EPHA10: variants seen among roughly 807,000 people sequenced by gnomAD.
EPHA10 encodes the protein ephrin type-A receptor 10.
EPHA10 carries 120 observed loss-of-function variants against 109.7 expected under a neutral mutation model. The ratio of observed to expected loss-of-function variants is 1.09; its 90% confidence interval spans 0.94 to 1.27. The LOEUF is 1.27. EPHA10 is among the 50% of genes most tolerant of loss of function. The probability of loss-of-function intolerance (pLI) is 0.00; values close to 1 mark genes in which losing one functional copy is unlikely to be tolerated. For missense variants in EPHA10, 1,396 were observed against 1,411.1 expected (o/e 0.99, Z 0.17); for synonymous variants, 640 against 618.9 (o/e 1.03, Z -0.51).
chr1:37,720,973 ATCC>A (rs1296909243), intron 11 of EPHA10, 129 bp from the exon 12 acceptor site: 2 of 823,062 alleles, frequency 2.4e-6, no homozygotes, highest in Non-Finnish European at 4.0e-6. Flanking sequence ...TAATCTCGCC[ATCC>A]TCCTGCCCAG....
intron 6 of EPHA10, among the ~76,000 whole-genome samples, chr1:37,732,454 T>C (rs1646000183): frequency 6.6e-6 from 1 of 152,070 alleles, no homozygotes. Flanking sequence ...AGAAAGTTAT[T>C]CTCCCCACTG....
rs968759877 is a variant in EPHA10 at position 37,716,106 on chromosome 1, C to T, written c.*2266G>A. On this transcript the variant is annotated 3_prime_UTR_variant, in exon 17 of 17. Coordinates refer to ENST00000373048, the MANE Select transcript of EPHA10 (RefSeq NM_001099439.2). ...GACCAGGGTAATGGGGGCTTGCAGG[C>T]CACCTCTGTCCAGTGAACAAGTTCC... 3 of 453,320 alleles carry T rather than the reference C, an allele frequency of 6.6e-6. No individual in the cohort carries two copies. Among genetic ancestry groups the T allele is most frequent in the South Asian group, 4.1e-5 (2 of 48,904 alleles). The allele number at this position is 453,320 out of a possible 1,614,324, so 28.1% of individuals were successfully genotyped here.
Position 37,716,668 on chromosome 1 carries a change from C to T in EPHA10, c.*1704G>A. The T allele has an allele frequency of 4.3e-6, 1 of 232,760 alleles. No individual in the cohort carries two copies. The highest frequency in any genetic ancestry group is 6.1e-5 in the East Asian group (1 of 16,490). The allele number at this position is 232,760 out of a possible 1,614,324, so 14.4% of individuals were successfully genotyped here. A position where few individuals can be genotyped will look rare whatever the true frequency, so the allele number is the denominator to read the frequency against. On this transcript the variant is annotated 3_prime_UTR_variant, in exon 17 of 17. Transcript: ENST00000373048. ...CTGGGTGCTCTGCAAAGAGGCACTG[C>T]ACCTTCCCGCCTCTGGGCTCTTTCT...
In EPHA10 at chr1:37,716,039, G is replaced by A. The variant is rs764690256; in HGVS notation, c.*2333C>T. 1 of 565,070 alleles carries A rather than the reference G, an allele frequency of 1.8e-6. No homozygotes were observed. The highest frequency in any genetic ancestry group is 3.4e-6 in the Non-Finnish European group (1 of 294,086). The allele number at this position is 565,070 out of a possible 1,614,324, so 35.0% of individuals were successfully genotyped here. A position where few individuals can be genotyped will look rare whatever the true frequency, so the allele number is the denominator to read the frequency against. The stretch of plus-strand genomic sequence containing the variant: ...AGAAATATAAAAACATCTCCAGAAG[G>A]AACCCCCTCCGACTGGCCCCCTCCC... On this transcript the variant is annotated 3_prime_UTR_variant, in exon 17 of 17. Transcript: ENST00000373048.
At chr1:37,762,189 C>A in intron 2 of EPHA10, 106 bp from the exon 3 acceptor site, 2 of 1,090,304 alleles carry the variant, frequency 1.8e-6, no homozygotes. Flanking sequence ...ATGCACACCC[C>A]GGAAATTGTA....
chr1:37,719,417 G>A lies in EPHA10; in HGVS notation c.2753C>T (p.Pro918Leu), dbSNP rs1429189292. The A allele has an allele frequency of 6.2e-7, 1 of 1,612,104 alleles. No homozygotes were observed. The highest frequency in any genetic ancestry group is 1.7e-5 in the Admixed American group (1 of 59,822). The change falls in exon 15 of 17, where the codon CCC (proline) becomes CTC (leucine). Residue 918 changes from proline (P) to leucine (L), a missense_variant. Pro to Leu is a moderately conservative substitution (Grantham distance 98). Coordinates refer to ENST00000373048, the MANE Select transcript of EPHA10 (RefSeq NM_001099439.2). The stretch of plus-strand genomic sequence containing the variant: ...GCTGTCCCATGTGGGAACGTACCTG[G>A]GACAGGTAGTCAGGGCACACTTGGG... ...EPPKCALTTC[P>L]RPPTPLADRA... is the part of the protein sequence containing the mutation.
rs1350383903 is a variant in EPHA10, at chr1:37,751,384, T to C, written c.1357+1492A>G. Among the ~76,000 whole-genome samples, 21 of 151,052 alleles carry C rather than the reference T, an allele frequency of 1.4e-4. No homozygotes were observed. In the South Asian group the frequency reaches 3.2e-3, roughly 23 times the overall value. ...AGGAGTTTGACACCAGCCTGGCCAA[T>C]ATGGTGAGACCCCATCTCTACTAAA... On this transcript the variant is annotated intron_variant, in intron 5 of 16. Coordinates refer to ENST00000373048, the MANE Select transcript of EPHA10 (RefSeq NM_001099439.2).
At chr1:37,728,422 G>C (rs10908375) in intron 7 of EPHA10, among the ~76,000 whole-genome samples, 29,746 of 152,152 alleles carry the variant, frequency 0.2, 3,018 homozygotes, top group Middle Eastern at 0.26. Flanking sequence ...CTTGAGAGAG[G>C]TGAAGGTTTG....
chr1:37,734,544 A>G, intron 6 of EPHA10: 1 of 417,986 alleles, frequency 2.4e-6, no homozygotes, highest in Non-Finnish European at 4.6e-6. Flanking sequence ...CAAAATAAAT[A>G]AATAAATAAA....
At position 37,723,173 on chromosome 1, in the gene EPHA10, G is replaced by C; in HGVS notation, c.1835-7C>G. 6.2e-7 allele frequency: 1 copy of C among 1,612,070 alleles called. No individual in the cohort carries two copies. The highest frequency in any genetic ancestry group is 8.5e-7 in the Non-Finnish European group (1 of 1,178,770). ...CGACGTGTTGGGACTTTGACTGGGA[G>C]AGAAAGAGATGAGCCTGAGGAATGG... On this transcript the variant is annotated splice_polypyrimidine_tract_variant and splice_region_variant and intron_variant, in intron 9 of 16. Transcript: ENST00000373048.
rs542105309 is a variant in EPHA10 at position 37,721,843 on chromosome 1, G to A, written c.1963C>T (p.Arg655Trp). 24 of 1,580,756 alleles carry A rather than the reference G, an allele frequency of 1.5e-5. No individual in the cohort carries two copies. Among genetic ancestry groups the A allele is most frequent in the Admixed American group, 1.8e-5 (1 of 56,836 alleles). Residue 655 changes from arginine to tryptophan, a missense_variant and splice_region_variant, in exon 11 of 17, where the codon CGG becomes TGG. Arg to Trp is a moderately radical substitution (Grantham distance 101). Transcript: ENST00000373048. ...VTLERSLGGG[R>W]FGELCCGCLQ... Reference sequence around the variant, plus strand: ...CAGCCACAGCACAGCTCCCCAAACCGCCCTGTGGGGAAACAGCACCTCAGA... The same window carrying A: ...CAGCCACAGCACAGCTCCCCAAACCACCCTGTGGGGAAACAGCACCTCAGA...
chr1:37,738,874 C>T (rs1296849902), intron 5 of EPHA10, among the ~76,000 whole-genome samples: 1 of 134,716 alleles, frequency 7.4e-6, no homozygotes, highest in Non-Finnish European at 1.7e-5. Flanking sequence ...AGCTGGAAAC[C>T]ATCATTCTAA....
chr1:37,727,083 G>C lies in EPHA10; in HGVS notation c.1772+19C>G. On this transcript the variant is annotated intron_variant, in intron 8 of 16. Transcript: ENST00000373048. Reference sequence around the variant, plus strand: ...ACATGACCCACCAGGAGTCACCTAGGCTGGGGCCAGCCACCTACCTCCTCC... The same window carrying C: ...ACATGACCCACCAGGAGTCACCTAGCCTGGGGCCAGCCACCTACCTCCTCC... 6.3e-7 allele frequency: 1 copy of C among 1,596,538 alleles called. No individual in the cohort carries two copies. The highest frequency in any genetic ancestry group is 8.6e-7 in the Non-Finnish European group (1 of 1,168,768).
At chr1:37,751,230 G>A (rs1157601690) in intron 5 of EPHA10, among the ~76,000 whole-genome samples, 325 of 73,114 alleles carry the variant, frequency 4.4e-3, no homozygotes, top group South Asian at 5.6e-3. Context: ...AAGAAAGAAA[G>A]AAAAAGAAAA....
At chr1:37,719,305 A>G (rs1645745435) in intron 15 of EPHA10, 109 bp downstream of exon 15, 2 of 1,303,694 alleles carry the variant, frequency 1.5e-6, no homozygotes, top group Non-Finnish European at 1.1e-6. Flanking sequence ...GGGGTGAACA[A>G]TTGCTCTTGG....
chr1:37,752,927 C>T lies in EPHA10; in HGVS notation c.1306G>A (p.Ala436Thr). The T allele has an allele frequency of 1.5e-6, 2 of 1,309,774 alleles. No homozygotes were observed. Among genetic ancestry groups the T allele is most frequent in the South Asian group, 2.1e-5 (1 of 46,516 alleles). The allele number at this position is 1,309,774 out of a possible 1,614,324, so 81.1% of individuals were successfully genotyped here. A position where few individuals can be genotyped will look rare whatever the true frequency, so the allele number is the denominator to read the frequency against. Residue 436 changes from alanine (A) to threonine (T), a missense_variant, in exon 5 of 17, where the codon GCC becomes ACC. Physicochemically the swap from Ala to Thr is moderately conservative, Grantham distance 58. Transcript: ENST00000373048. ...TGCGCGTAGGTGGTTCCCGCGGCGG[C>T]CGCCGGGCCCGAGACGCCGTTGAGC... ...AALNGVSGPA[A>T]AAGTTYAQVT...
chr1:37,750,602 CAT>C (rs999932219), intron 5 of EPHA10, among the ~76,000 whole-genome samples: 22 of 149,452 alleles, frequency 1.5e-4, no homozygotes, highest in Admixed American at 1.1e-3. Context: ...TTTTAAGAGA[CAT>C]AGTCTGGCTC....
Position 37,761,704 on chromosome 1 carries a change from C to G in EPHA10, c.551G>C (p.Ser184Thr), listed in dbSNP as rs773825064. The G allele has an allele frequency of 1.1e-5, 18 of 1,613,246 alleles. No individual in the cohort carries two copies. In the Admixed American group the frequency reaches 3.0e-4, roughly 27 times the overall value. The part of the protein sequence containing the change: ...NTEVREIGPL[S>T]RRGFHLAFQD... ...AAAGGCCAGGTGGAAACCCCGCCGG[C>G]TGAGCGGTCCGATCTCGCGCACCTC... The change falls in exon 3 of 17, where the codon AGC (serine) becomes ACC (threonine). Residue 184 changes from serine (S) to threonine (T), a missense_variant. Coordinates refer to ENST00000373048, the MANE Select transcript of EPHA10 (RefSeq NM_001099439.2).
At chr1:37,755,159 C>G (rs1221548732) in intron 3 of EPHA10, among the ~76,000 whole-genome samples, 1 of 152,182 alleles carries the variant, frequency 6.6e-6, no homozygotes, top group African/African-American at 2.4e-5. Context: ...CCTACAGCTA[C>G]TCTCCCGCAG....
Sources: gnomAD v4.1 joint callset for allele counts (sites outside exome capture counted in the v4.1 genomes callset) on GRCh38, gnomAD v4.1.1 for gene constraint, MANE v1.5 for transcripts, NCBI Gene and HGNC (gene_info 2026-07-23, HGNC 2026-07-21) for gene names.